The following DCLK2 variants were observed in gnomAD, a reference collection of about 807,000 sequenced individuals.
The protein encoded by DCLK2 is doublecortin like kinase 2, also known as serine/threonine-protein kinase DCLK2.
Under a neutral mutation model 78.4 loss-of-function variants are expected in DCLK2, and 31 were observed. The ratio of observed to expected loss-of-function variants is 0.40; its 90% CI spans 0.30 to 0.53. The LOEUF is 0.53. Among genes scored for constraint, DCLK2 ranks in the 20% least tolerant of loss-of-function variants. The pLI is 0.61. For synonymous variants in DCLK2, 407 were observed against 374.9 expected (o/e 1.09, Z -0.99); for missense variants, 872 against 973.7 (o/e 0.90, Z 1.39).
At chr4:150,155,246 C>T (rs915050210) in intron 2 of DCLK2, among the ~76,000 whole-genome samples, 9 of 152,110 alleles carry the variant, frequency 5.9e-5, no homozygotes, top group East Asian at 1.9e-4. Flanking sequence ...AGTAAAAATA[C>T]GTAACAGTAG....
chr4:150,102,427 G>A, intron 1 of DCLK2, 51 bp from the exon 2 acceptor site: 2 of 1,557,040 alleles, frequency 1.3e-6, no homozygotes, highest in South Asian at 1.2e-5. Context: ...TAGACCAAAT[G>A]CTTCTATGAT....
chr4:150,219,936 G>C (rs1741050670), intron 5 of DCLK2, among the ~76,000 whole-genome samples: 1 of 152,128 alleles, frequency 6.6e-6, no homozygotes, highest in South Asian at 2.1e-4. Context: ...TGGGGTTTTT[G>C]AATCCTGGAG....
At chr4:150,110,386 A>G (rs1031972071) in intron 2 of DCLK2, among the ~76,000 whole-genome samples, 2 of 152,214 alleles carry the variant, frequency 1.3e-5, no homozygotes, top group South Asian at 2.1e-4. Context: ...GTATTTGACA[A>G]TGTGTAGAGT....
intron 5 of DCLK2, among the ~76,000 whole-genome samples, chr4:150,214,875 T>A (rs1740570901): frequency 6.8e-6 from 1 of 147,522 alleles, no homozygotes. Context: ...GGCAGGAGAA[T>A]CACTTGCACC....
At chr4:150,208,844 C>T (rs1464166475) in intron 5 of DCLK2, among the ~76,000 whole-genome samples, 3 of 152,096 alleles carry the variant, frequency 2.0e-5, no homozygotes, top group East Asian at 1.9e-4. Flanking sequence ...AATAGTTTAG[C>T]GTTTTTGGTT....
chr4:150,220,405 C>T (rs973239984), intron 5 of DCLK2, among the ~76,000 whole-genome samples: 2 of 152,186 alleles, frequency 1.3e-5, no homozygotes, highest in Admixed American at 6.5e-5. Flanking sequence ...TAATAACTAT[C>T]TTATCCAGCT....
intron 2 of DCLK2, among the ~76,000 whole-genome samples, chr4:150,173,063 G>T (rs1481714830): frequency 6.6e-6 from 1 of 152,062 alleles, no homozygotes; most frequent in Non-Finnish European, 1.5e-5. Flanking sequence ...TCTGAATTCT[G>T]TTGACTTTCT....
chr4:150,222,577 A>G (rs1350366015), intron 7 of DCLK2, among the ~76,000 whole-genome samples: 1 of 152,016 alleles, frequency 6.6e-6, no homozygotes, highest in East Asian at 1.9e-4. Flanking sequence ...CCTGGTGGCT[A>G]GCTCACACCT....
intron 2 of DCLK2, among the ~76,000 whole-genome samples, chr4:150,130,605 A>G (rs1381418296): frequency 6.6e-5 from 10 of 152,070 alleles, no homozygotes; most frequent in Admixed American, 6.5e-4. Context: ...AAGTTTAAAC[A>G]GGGGGCTATG....
chr4:150,247,503 C>G (rs1743412372), intron 12 of DCLK2, 100 bp from the exon 13 acceptor site: 4 of 906,534 alleles, frequency 4.4e-6, no homozygotes, highest in Non-Finnish European at 7.0e-6. Context: ...CAAGTCAAAG[C>G]CAGAGACTGG....
chr4:150,201,554 A>G (rs1262806214), intron 4 of DCLK2, among the ~76,000 whole-genome samples: 1 of 152,204 alleles, frequency 6.6e-6, no homozygotes, highest in Non-Finnish European at 1.5e-5. Flanking sequence ...AGTTATTGAT[A>G]CCAGTTAAAT....
At chr4:150,165,286 C>T (rs920315728) in intron 2 of DCLK2, among the ~76,000 whole-genome samples, 1 of 152,190 alleles carries the variant, frequency 6.6e-6, no homozygotes, top group Non-Finnish European at 1.5e-5. Context: ...TACACCAGCA[C>T]TGTTTCTGTT....
At chr4:150,128,914 T>C (rs1733097905) in intron 2 of DCLK2, among the ~76,000 whole-genome samples, 1 of 152,194 alleles carries the variant, frequency 6.6e-6, no homozygotes, top group Non-Finnish European at 1.5e-5. Context: ...CCTGTGCTTT[T>C]TGTTATCAAA....
intron 2 of DCLK2, among the ~76,000 whole-genome samples, chr4:150,157,228 TTATTACTAA>T (rs1735352577): frequency 6.6e-6 from 1 of 151,984 alleles, no homozygotes; most frequent in African/African-American, 2.4e-5. Flanking sequence ...TGAGTTATAT[TTATTACTAA>T]AAATCTTTTT....
chr4:150,240,371 C>T (rs1394408554), intron 11 of DCLK2, 28 bp from the exon 12 acceptor site: 4 of 1,610,974 alleles, frequency 2.5e-6, no homozygotes, highest in African/African-American at 1.3e-5. Flanking sequence ...CATCAGTTCT[C>T]TCCCCCTCAC....
At chr4:150,101,172 T>C (rs1730865202) in intron 1 of DCLK2, among the ~76,000 whole-genome samples, 1 of 152,152 alleles carries the variant, frequency 6.6e-6, no homozygotes. Flanking sequence ...GGAGAATCAC[T>C]TGAGTCCAGG....
At chr4:150,194,313 C>T (rs973417812) in intron 3 of DCLK2, among the ~76,000 whole-genome samples, 3 of 152,132 alleles carry the variant, frequency 2.0e-5, no homozygotes, top group Non-Finnish European at 4.4e-5. Context: ...TACTAGGCTA[C>T]ACCATGTAGA....
chr4:150,111,939 G>A (rs1420098868), intron 2 of DCLK2, among the ~76,000 whole-genome samples: 1 of 152,028 alleles, frequency 6.6e-6, no homozygotes, highest in East Asian at 1.9e-4. Context: ...GGATTGCTTT[G>A]GCTATCTTGG....
chr4:150,240,584 C>A, intron 12 of DCLK2, 108 bp downstream of exon 12: 6 of 457,210 alleles, frequency 1.3e-5, no homozygotes, highest in Non-Finnish European at 1.7e-5. Flanking sequence ...TTAAAAATGC[C>A]AGTTAAAAAT....
Sources: gnomAD v4.1 joint callset for allele counts (sites outside exome capture counted in the v4.1 genomes callset) on GRCh38, gnomAD v4.1.1 for gene constraint, MANE v1.5 for transcripts, NCBI Gene and HGNC (gene_info 2026-07-23, HGNC 2026-07-21) for gene names.